ZFAND5: variants seen among roughly 807,000 people sequenced by gnomAD.
ZFAND5 encodes the protein zinc finger AN1-type containing 5, also known as AN1-type zinc finger protein 5.
Under a neutral mutation model 23.6 loss-of-function variants are expected in ZFAND5, and 4 were observed. The observed-to-expected ratio is 0.17, with a 90% CI of 0.08 to 0.39. The LOEUF (loss-of-function observed/expected upper bound fraction) is 0.39, where lower values mean the gene tolerates loss of function less well. Ranked by LOEUF, ZFAND5 falls within the 10% of genes least tolerant of loss-of-function variation. The pLI is 1.00. For synonymous variants in ZFAND5, 68 were observed against 80.6 expected (o/e 0.84, Z 0.84); for missense variants, 161 against 253.7 (o/e 0.63, Z 2.48).
Position 72,351,692 on chromosome 9 carries a change from C to T in ZFAND5, c.*4261G>A, listed in dbSNP as rs1188629897. On this transcript the variant is annotated 3_prime_UTR_variant, in exon 7 of 7. Coordinates refer to ENST00000376962, the MANE Select transcript of ZFAND5 (RefSeq NM_001102420.3). ...TAAGCTCTCTTCATGTCTATCTGTA[C>T]CAGTTTCCCATCTTAGACTGTGATG... The T allele has an allele frequency of 6.6e-6, 1 of 151,754 alleles. No homozygotes were observed. The highest frequency in any genetic ancestry group is 1.5e-5 in the Non-Finnish European group (1 of 67,972). 9.4% of individuals were successfully genotyped at this position (151,754 alleles called of 1,614,324 possible). A position where few individuals can be genotyped will look rare whatever the true frequency, so the allele number is the denominator to read the frequency against.
rs956205860 is a variant in ZFAND5 at position 72,354,441 on chromosome 9, C to G, written c.*1512G>C. The G allele has an allele frequency of 3.3e-5, 5 of 152,588 alleles. No homozygotes were observed. The highest frequency in any genetic ancestry group is 1.2e-4 in the African/African-American group (5 of 41,424). The allele number at this position is 152,588 out of a possible 1,614,324, so 9.5% of individuals were successfully genotyped here. A position where few individuals can be genotyped will look rare whatever the true frequency, so the allele number is the denominator to read the frequency against. ...AGGACTCCAACTATGGCTTAAAAAC[C>G]CAATGAACAAGTGAAGTTTCCCTCT... On this transcript the variant is annotated 3_prime_UTR_variant, in exon 7 of 7. Coordinates refer to ENST00000376962, the MANE Select transcript of ZFAND5 (RefSeq NM_001102420.3).
At chr9:72,356,903 AC>A (rs1841959252) in intron 6 of ZFAND5, 27 bp downstream of exon 6, 1 of 1,610,378 alleles carries the variant, frequency 6.2e-7, no homozygotes, top group Non-Finnish European at 8.5e-7. Flanking sequence ...CAGAAGTAAA[AC>A]ATACATTGTC....
At chr9:72,356,786 C>A in intron 6 of ZFAND5, 145 bp downstream of exon 6, 1 of 993,194 alleles carries the variant, frequency 1.0e-6, no homozygotes, top group Non-Finnish European at 1.4e-6. Context: ...ACCCCAATAC[C>A]ACCTCCTCCA....
chr9:72,357,247 C>T (rs1440713921), intron 5 of ZFAND5, among the ~76,000 whole-genome samples, 191 bp from the exon 6 acceptor site: 1 of 152,120 alleles, frequency 6.6e-6, no homozygotes, highest in African/African-American at 2.4e-5. Flanking sequence ...GAAATTCCTG[C>T]CAATCACCAT....
intron 4 of ZFAND5, among the ~76,000 whole-genome samples, 154 bp downstream of exon 4, chr9:72,359,956 A>T (rs1397352592): frequency 6.6e-6 from 1 of 152,226 alleles, no homozygotes; most frequent in Non-Finnish European, 1.5e-5. Flanking sequence ...AGTAACACAC[A>T]TCTTTACTCA....
intron 4 of ZFAND5, 89 bp from the exon 5 acceptor site, chr9:72,359,610 G>T: frequency 1.6e-6 from 2 of 1,220,788 alleles, no homozygotes; most frequent in East Asian, 2.5e-5. Context: ...TTAAATTATA[G>T]AATATTTCCA....
intron 6 of ZFAND5, 65 bp downstream of exon 6, chr9:72,356,866 G>A: frequency 6.3e-7 from 1 of 1,587,312 alleles, no homozygotes; most frequent in African/African-American, 1.4e-5. Flanking sequence ...GTCTCTTAGG[G>A]AGTGACCAAA....
chr9:72,364,216 C>T, intron 1 of ZFAND5: 1 of 296,036 alleles, frequency 3.4e-6, no homozygotes, highest in Non-Finnish European at 6.2e-6. Context: ...TGCAGAACAG[C>T]AGCTCAGCAG....
intron 6 of ZFAND5, among the ~76,000 whole-genome samples, 154 bp downstream of exon 6, chr9:72,356,777 C>T (rs569633802): frequency 1.3e-5 from 2 of 151,406 alleles, no homozygotes; most frequent in Non-Finnish European, 2.9e-5. Flanking sequence ...CTTCTTTCCA[C>T]CCCAATACCA....
Position 72,356,932 on chromosome 9 carries a change from T to C in ZFAND5, c.492A>G (p.Thr164=). ...CFMCRKKVGL[T]GFDCRCGNLF... ...ACATTGTCTTGTGTTTTGTAATACC[T>C]GTAAGACCAACTTTCTTTCTGCACA... The change falls in exon 6 of 7, where the codon ACA becomes ACG. Residue 164 remains threonine, a splice_region_variant and synonymous_variant. Transcript: ENST00000376962. 1 of 1,612,110 alleles carries C rather than the reference T, an allele frequency of 6.2e-7. No homozygotes were observed. The highest frequency in any genetic ancestry group is 8.5e-7 in the Non-Finnish European group (1 of 1,179,614).
intron 3 of ZFAND5, 25 bp from the exon 4 acceptor site, chr9:72,360,246 G>C: frequency 6.3e-7 from 1 of 1,575,310 alleles, no homozygotes; most frequent in Non-Finnish European, 8.7e-7. Context: ...GATTTGTAAG[G>C]AACCAATGAA....
At chr9:72,360,533 C>T (rs898880406) in intron 3 of ZFAND5, 95 bp downstream of exon 3, 3 of 1,542,294 alleles carry the variant, frequency 1.9e-6, no homozygotes, top group Non-Finnish European at 2.7e-6. Context: ...CAGGTGTTCT[C>T]TCCATGTGCT....
chr9:72,360,590 A>C, intron 3 of ZFAND5, 38 bp downstream of exon 3: 1 of 1,611,612 alleles, frequency 6.2e-7, no homozygotes, highest in African/African-American at 1.3e-5. Flanking sequence ...TCTGTCCACC[A>C]GTTCTTTCAA....
At chr9:72,364,496 A>C in intron 1 of ZFAND5, 200 bp downstream of exon 1, 1 of 1,281,602 alleles carries the variant, frequency 7.8e-7, no homozygotes, top group Non-Finnish European at 1.0e-6. Flanking sequence ...GCCGGGAGCC[A>C]GGTCTCGGGC....
chr9:72,355,111 C>T lies in ZFAND5; in HGVS notation c.*842G>A, dbSNP rs899453094. On this transcript the variant is annotated 3_prime_UTR_variant, in exon 7 of 7. Coordinates refer to ENST00000376962, the MANE Select transcript of ZFAND5 (RefSeq NM_001102420.3). ...TGCACATGAAAAATTATTCAGATAC[C>T]TTTGCAACTTAAAATTCAGATGCAT... 1 of 152,632 alleles carries T rather than the reference C, an allele frequency of 6.6e-6. No individual in the cohort carries two copies. The highest frequency in any genetic ancestry group is 1.5e-5 in the Non-Finnish European group (1 of 68,040). The allele number at this position is 152,632 out of a possible 1,614,324, so 9.5% of individuals were successfully genotyped here. A position where few individuals can be genotyped will look rare whatever the true frequency, so the allele number is the denominator to read the frequency against.
chr9:72,358,881 C>T (rs376039326), intron 5 of ZFAND5, among the ~76,000 whole-genome samples: 3 of 152,102 alleles, frequency 2.0e-5, no homozygotes, highest in African/African-American at 7.2e-5. Flanking sequence ...CTTCTTCCAC[C>T]ATCAGGGCAC....
At chr9:72,358,581 G>C (rs1369033383) in intron 5 of ZFAND5, among the ~76,000 whole-genome samples, 1 of 152,060 alleles carries the variant, frequency 6.6e-6, no homozygotes, top group Non-Finnish European at 1.5e-5. Flanking sequence ...TCAGTTTAAG[G>C]ATGGAGCTCA....
In ZFAND5 at chr9:72,356,117, A is replaced by C; in HGVS notation, c.494-16T>G. 1 of 1,595,086 alleles carries C rather than the reference A, an allele frequency of 6.3e-7. No individual in the cohort carries two copies. The highest frequency in any genetic ancestry group is 8.5e-7 in the Non-Finnish European group (1 of 1,175,636). On this transcript the variant is annotated splice_polypyrimidine_tract_variant and intron_variant, in intron 6 of 6. Transcript: ENST00000376962. ...CAGTCAAACCCTGTACAAACGAAGAAGTAGAGTCATTTGAGAACTTGAGGC... is the reference window on the plus strand; with the variant it reads ...CAGTCAAACCCTGTACAAACGAAGACGTAGAGTCATTTGAGAACTTGAGGC...
At chr9:72,356,719 G>C (rs1841953854) in intron 6 of ZFAND5, among the ~76,000 whole-genome samples, 1 of 151,982 alleles carries the variant, frequency 6.6e-6, no homozygotes, top group Non-Finnish European at 1.5e-5. Context: ...AAGAGGGCCT[G>C]AGTTAATAGT....
Sources: gnomAD v4.1 joint callset for allele counts (sites outside exome capture counted in the v4.1 genomes callset) on GRCh38, gnomAD v4.1.1 for gene constraint, MANE v1.5 for transcripts, NCBI Gene and HGNC (gene_info 2026-07-23, HGNC 2026-07-21) for gene names.